KIF18A: variants seen among roughly 807,000 people sequenced by gnomAD.
The protein encoded by KIF18A is kinesin-like protein KIF18A.
A neutral mutation model predicts 103.3 loss-of-function variants in KIF18A; 67 were observed. The ratio of observed to expected loss-of-function variants is 0.65; its 90% CI spans 0.53 to 0.79. KIF18A has a LOEUF of 0.79. KIF18A is among the 30% of genes least tolerant of loss of function. The probability of loss-of-function intolerance (pLI) is 0.00; values close to 1 mark genes in which losing one functional copy is unlikely to be tolerated. For synonymous variants in KIF18A, 367 were observed against 355.5 expected (o/e 1.03, Z -0.36); for missense variants, 1,032 against 1,062.5 (o/e 0.97, Z 0.40).
rs1238827041 is a variant in KIF18A, at chr11:28,058,967, A to C, written c.1907T>G (p.Met636Arg). 1 of 1,613,996 alleles carries C rather than the reference A, an allele frequency of 6.2e-7. No homozygotes were observed. Among genetic ancestry groups the C allele is most frequent in the African/African-American group, 1.3e-5 (1 of 74,924 alleles). Reference protein sequence around the residue: ...QNDLPGISVLMTFPQLGPVQP... With the variant: ...QNDLPGISVLRTFPQLGPVQP... ...AACTGGTCCAAGTTGTGGAAAGGTC[A>C]TAAGAACAGAAATCCCTGGTAGATC... The change falls in exon 13 of 17, where the codon ATG becomes AGG. Residue 636 changes from methionine to arginine, a missense_variant. Met to Arg is a moderately conservative substitution (Grantham distance 91). Transcript: ENST00000263181.
At chr11:28,067,393 T>C (rs1850947086) in intron 11 of KIF18A, among the ~76,000 whole-genome samples, 1 of 152,088 alleles carries the variant, frequency 6.6e-6, no homozygotes, top group Non-Finnish European at 1.5e-5. Context: ...ACAGGATATC[T>C]GCTGCTTGCT....
rs995038737 is a variant in KIF18A, at chr11:28,044,015, G to A, written c.1949-7351C>T. Among the ~76,000 whole-genome samples, 13 of 152,066 alleles carry A rather than the reference G, an allele frequency of 8.5e-5. No homozygotes were observed. The East Asian group carries it at 2.5e-3, about 29-fold the overall frequency. On this transcript the variant is annotated intron_variant, in intron 13 of 16. Coordinates refer to ENST00000263181, the MANE Select transcript of KIF18A (RefSeq NM_031217.4). ...AGATCTCAGGAACTGAAGGCATGAG[G>A]TTGTCTCTGAAAGCACAGGGTGGAG...
At position 28,062,392 on chromosome 11, in the gene KIF18A, C is replaced by T; in HGVS notation, c.1712+3G>A. The T allele has an allele frequency of 5.6e-6, 9 of 1,603,122 alleles. No homozygotes were observed. Among genetic ancestry groups the T allele is most frequent in the Non-Finnish European group, 7.7e-6 (9 of 1,174,744 alleles). On this transcript the variant is annotated splice_donor_region_variant and intron_variant, in intron 12 of 16. Coordinates refer to ENST00000263181, the MANE Select transcript of KIF18A (RefSeq NM_031217.4). ...TGGAAAATAGGTAAATGTATGTACTCACGCTTCAGTCTGCCTGTGTTGCTG... is the reference window on the plus strand; with the variant it reads ...TGGAAAATAGGTAAATGTATGTACTTACGCTTCAGTCTGCCTGTGTTGCTG...
At chr11:28,026,213 G>T (rs1850317938) in intron 15 of KIF18A, among the ~76,000 whole-genome samples, 1 of 151,748 alleles carries the variant, frequency 6.6e-6, no homozygotes, top group South Asian at 2.1e-4. Flanking sequence ...TGTTGGGTAG[G>T]TTTTGGAATA....
At chr11:28,058,489 GAAA>G (rs34177202) in intron 13 of KIF18A, among the ~76,000 whole-genome samples, 2 of 54,244 alleles carry the variant, frequency 3.7e-5, no homozygotes, top group South Asian at 7.1e-4. Context: ...GTTTCTACAG[GAAA>G]AAAAAAAAAA....
At chr11:28,026,729 T>C (rs1850326645) in intron 15 of KIF18A, among the ~76,000 whole-genome samples, 1 of 151,762 alleles carries the variant, frequency 6.6e-6, no homozygotes, top group Admixed American at 6.6e-5. Context: ...ATTTGTGACA[T>C]CTTAGTAAAC....
intron 2 of KIF18A, among the ~76,000 whole-genome samples, chr11:28,096,689 GTA>G (rs1363437793): frequency 6.6e-6 from 1 of 152,158 alleles, no homozygotes; most frequent in Non-Finnish European, 1.5e-5. Flanking sequence ...GATCAAGAGG[GTA>G]TGTCTTCCAT....
intron 8 of KIF18A, 31 bp downstream of exon 8, chr11:28,083,138 A>G (rs757905024): frequency 2.5e-6 from 4 of 1,570,786 alleles, no homozygotes; most frequent in Non-Finnish European, 3.4e-6. Context: ...AGAACTGCGC[A>G]AGACTAGCAT....
In KIF18A at chr11:28,097,994, C is replaced by A. The variant is rs1178930335; in HGVS notation, c.-46-1G>T. 2.2e-6 allele frequency: 3 copies of A among 1,337,344 alleles called. No individual in the cohort carries two copies. The highest frequency in any genetic ancestry group is 1.6e-5 in the South Asian group (1 of 63,608). 82.8% of individuals were successfully genotyped at this position (1,337,344 alleles called of 1,614,324 possible). ...TCTGTATAAATACTTGAATACTTCT[C>A]TGAAATTAAAAAAGAAAATAAAGTT... On this transcript the variant is annotated splice_acceptor_variant, in intron 1 of 16. Coordinates refer to ENST00000263181, the MANE Select transcript of KIF18A (RefSeq NM_031217.4). LOFTEE classifies it low-confidence loss of function (5UTR_SPLICE).
intron 15 of KIF18A, among the ~76,000 whole-genome samples, chr11:28,033,157 A>G (rs1565070382): frequency 6.6e-6 from 1 of 151,870 alleles, no homozygotes; most frequent in Admixed American, 6.6e-5. Context: ...CTACAATGAG[A>G]TATCATCTCA....
chr11:28,090,531 TCACA>T, intron 5 of KIF18A, 82 bp downstream of exon 5: 1 of 793,936 alleles, frequency 1.3e-6, no homozygotes, highest in South Asian at 1.7e-5. Context: ...CAGATTTTTT[TCACA>T]TGTATGAAAA....
intron 1 of KIF18A, among the ~76,000 whole-genome samples, chr11:28,107,606 C>G (rs1166888247): frequency 1.3e-5 from 2 of 152,136 alleles, no homozygotes; most frequent in Non-Finnish European, 2.9e-5. Flanking sequence ...ACAGTTAAAG[C>G]TCTTCAGACA....
At chr11:28,068,092 T>A (rs775914803) in intron 11 of KIF18A, among the ~76,000 whole-genome samples, 10 of 152,014 alleles carry the variant, frequency 6.6e-5, no homozygotes, top group South Asian at 4.1e-4. Context: ...TATGCAGCCA[T>A]AAAAAAGAAT....
chr11:28,029,376 T>C (rs1850365261), intron 15 of KIF18A, among the ~76,000 whole-genome samples: 1 of 152,144 alleles, frequency 6.6e-6, no homozygotes, highest in Admixed American at 6.5e-5. Context: ...TGGTTCAATA[T>C]ACGCAAATCA....
chr11:28,033,147 C>G (rs1850433039), intron 15 of KIF18A, among the ~76,000 whole-genome samples: 2 of 151,690 alleles, frequency 1.3e-5, no homozygotes, highest in African/African-American at 4.8e-5. Context: ...TAAATCAAAA[C>G]TACAATGAGA....
intron 13 of KIF18A, among the ~76,000 whole-genome samples, chr11:28,043,097 A>C (rs1361751004): frequency 6.6e-6 from 1 of 151,938 alleles, no homozygotes; most frequent in African/African-American, 2.4e-5. Context: ...GCAATATAGT[A>C]AAATGGCAAC....
At chr11:28,093,062 A>G (rs1302365719) in intron 3 of KIF18A, among the ~76,000 whole-genome samples, 1 of 152,232 alleles carries the variant, frequency 6.6e-6, no homozygotes, top group Non-Finnish European at 1.5e-5. Flanking sequence ...AAAAAGTTCT[A>G]TAGGCAATTC....
Position 28,096,969 on chromosome 11 carries a change from C to A in KIF18A, c.325+654G>T, listed in dbSNP as rs151245405. ...AGATGCTTCTTGGGCTAACAATGAG[C>A]TAAAGGGCATGAGATAATTAACATG... On this transcript the variant is annotated intron_variant, in intron 2 of 16. Transcript: ENST00000263181. Among the ~76,000 whole-genome samples, 469 of 151,580 alleles carry A rather than the reference C, an allele frequency of 3.1e-3. 10 individuals are homozygous for A. In the South Asian group the frequency reaches 0.039, roughly 13 times the overall value.
chr11:28,057,469 C>T (rs544487586), intron 13 of KIF18A, among the ~76,000 whole-genome samples: 27 of 152,088 alleles, frequency 1.8e-4, no homozygotes, highest in Admixed American at 8.5e-4. Flanking sequence ...GAGCAGAGAT[C>T]GCGCCACTGC....
Sources: allele counts gnomAD v4.1 joint callset (sites outside exome capture counted in the v4.1 genomes callset), GRCh38; gene constraint gnomAD v4.1.1; transcripts MANE v1.5; gene names NCBI Gene and HGNC (gene_info 2026-07-23, HGNC 2026-07-21).